Variants in NDC1 observed in about 807,000 individuals in gnomAD.
The protein encoded by NDC1 is nucleoporin NDC1.
In NDC1, 24 loss-of-function variants were observed where a neutral mutation model predicts 89.8. The observed-to-expected ratio is 0.27, with a 90% CI of 0.19 to 0.38. NDC1 has a LOEUF of 0.38. Among genes scored for constraint, NDC1 ranks in the 10% least tolerant of loss-of-function variants. The pLI, the probability that NDC1 is intolerant of heterozygous loss-of-function variation, is 1.00. For missense variants in NDC1, 728 were observed against 797.6 expected (o/e 0.91, Z 1.05); for synonymous variants, 296 against 284.8 (o/e 1.04, Z -0.39).
chr1:53,794,676 C>A (rs1206734305), intron 13 of NDC1, among the ~76,000 whole-genome samples: 3 of 152,066 alleles, frequency 2.0e-5, no homozygotes, highest in African/African-American at 7.2e-5. Context: ...TTGAGATCAG[C>A]CTGGGCAACA....
intron 6 of NDC1, among the ~76,000 whole-genome samples, chr1:53,813,197 T>C (rs1293137912): frequency 2.0e-5 from 3 of 152,046 alleles, no homozygotes; most frequent in African/African-American, 4.8e-5. Flanking sequence ...CAAAAATACA[T>C]GTTGAAAAGC....
At chr1:53,830,949 T>C (rs889837755) in intron 3 of NDC1, among the ~76,000 whole-genome samples, 1 of 149,508 alleles carries the variant, frequency 6.7e-6, no homozygotes, top group Non-Finnish European at 1.5e-5. Flanking sequence ...AGGCCAAGCA[T>C]GGTGGCTCAT....
intron 5 of NDC1, among the ~76,000 whole-genome samples, chr1:53,820,611 T>C (rs147634463): frequency 1.0e-3 from 158 of 151,526 alleles, no homozygotes; most frequent in African/African-American, 3.7e-3. Context: ...TCCTTCTCAG[T>C]CTCTGCCCCT....
At chr1:53,775,578 A>C (rs1647156184) in intron 16 of NDC1, among the ~76,000 whole-genome samples, 2 of 152,116 alleles carry the variant, frequency 1.3e-5, no homozygotes, top group Admixed American at 6.5e-5. Context: ...TTTCATTCTT[A>C]GGTTTATAAA....
chr1:53,773,584 T>A (rs556842575), intron 16 of NDC1, among the ~76,000 whole-genome samples: 1 of 152,260 alleles, frequency 6.6e-6, no homozygotes, highest in South Asian at 2.1e-4. Flanking sequence ...GAGCACCAAT[T>A]CTAAGTGCAT....
chr1:53,810,435 A>G (rs1648265363), intron 6 of NDC1, among the ~76,000 whole-genome samples: 2 of 152,206 alleles, frequency 1.3e-5, no homozygotes, highest in Non-Finnish European at 2.9e-5. Context: ...AAAAAAAAAA[A>G]AAATCAAAGT....
In NDC1 at chr1:53,807,581, A is replaced by G. The variant is rs114909716; in HGVS notation, c.891+75T>C. 2,213 of 1,289,544 alleles carry G rather than the reference A, an allele frequency of 1.7e-3. 29 individuals carry two copies. The African/African-American group carries it at 0.031, about 18-fold the overall frequency. The allele number at this position is 1,289,544 out of a possible 1,614,324, so 79.9% of individuals were successfully genotyped here. A position where few individuals can be genotyped will look rare whatever the true frequency, so the allele number is the denominator to read the frequency against. On this transcript the variant is annotated intron_variant, in intron 8 of 17. Transcript: ENST00000371429. ...GGAAATGGTTTTGCGTGTGCTGATC[A>G]GTGTGCTCTGCTAAAAATCAACTGT...
rs373637747 is a variant in NDC1 at position 53,793,334 on chromosome 1, T to C, written c.1585-55A>G. The stretch of plus-strand genomic sequence containing the variant: ...ATTTACCTTTTAAATTCTATTCAAA[T>C]ATAACACATTTCCTAGTTCTTCCAG... On this transcript the variant is annotated intron_variant, in intron 13 of 17. Coordinates refer to ENST00000371429, the MANE Select transcript of NDC1 (RefSeq NM_018087.5). The C allele has an allele frequency of 9.6e-6, 13 of 1,350,836 alleles. No individual in the cohort carries two copies. In the African/African-American group the frequency reaches 1.4e-4, roughly 15 times the overall value. The allele number at this position is 1,350,836 out of a possible 1,614,324, so 83.7% of individuals were successfully genotyped here. A position where few individuals can be genotyped will look rare whatever the true frequency, so the allele number is the denominator to read the frequency against.
chr1:53,832,080 T>C (rs1649085582), intron 3 of NDC1, among the ~76,000 whole-genome samples: 1 of 152,180 alleles, frequency 6.6e-6, no homozygotes, highest in African/African-American at 2.4e-5. Flanking sequence ...CATTTTTAAG[T>C]ACACAGTTCT....
chr1:53,818,310 G>A (rs969271905), intron 6 of NDC1, among the ~76,000 whole-genome samples: 2 of 151,870 alleles, frequency 1.3e-5, no homozygotes, highest in African/African-American at 2.4e-5. Flanking sequence ...GGTGGTGCAC[G>A]CCTGGTAGTG....
intron 16 of NDC1, among the ~76,000 whole-genome samples, 172 bp from the exon 17 acceptor site, chr1:53,772,661 A>AATAACATAACATAAC (rs369123839): frequency 0.018 from 2,483 of 137,818 alleles, 45 homozygotes; most frequent in African/African-American, 0.031. Context: ...CCTGTCTCAA[A>AATAACATAACATAAC]ATAACATAAC....
chr1:53,789,787 G>GA (rs1466225926), intron 14 of NDC1, among the ~76,000 whole-genome samples: 2 of 139,682 alleles, frequency 1.4e-5, no homozygotes, highest in Non-Finnish European at 3.1e-5. Flanking sequence ...CAACAAGAGT[G>GA]AAACTCCATC....
At chr1:53,810,980 CCCT>C (rs1389046125) in intron 6 of NDC1, among the ~76,000 whole-genome samples, 13 of 152,186 alleles carry the variant, frequency 8.5e-5, no homozygotes, top group Non-Finnish European at 1.5e-5. Flanking sequence ...AAAAGGAAGA[CCCT>C]CCTCTTCTGA....
In NDC1 at chr1:53,789,165, G is replaced by GA; in HGVS notation, c.1666dup (p.Ser556PhefsTer25). 6.2e-7 allele frequency: 1 copy of GA among 1,610,252 alleles called. No individual in the cohort carries two copies. Among genetic ancestry groups the GA allele is most frequent in the Non-Finnish European group, 8.5e-7 (1 of 1,178,166 alleles). ...TGCCCAAATATGCATTTGGGCATCT[G>GA]AAAAAACAGCCTGAATGGAGGCCTC... On this transcript the variant is annotated frameshift_variant, in exon 15 of 18. Transcript: ENST00000371429. LOFTEE classifies it high-confidence loss of function.
chr1:53,771,631 T>G (rs1198864060), intron 17 of NDC1, among the ~76,000 whole-genome samples: 1 of 152,370 alleles, frequency 6.6e-6, no homozygotes, highest in East Asian at 1.9e-4. Context: ...TATTTAACTT[T>G]AATTTAAATT....
intron 6 of NDC1, among the ~76,000 whole-genome samples, chr1:53,817,825 T>A (rs1353763639): frequency 1.3e-5 from 2 of 152,184 alleles, no homozygotes; most frequent in Non-Finnish European, 2.9e-5. Flanking sequence ...GAAAAAGTTA[T>A]AATCTGAAAA....
At chr1:53,807,072 C>T (rs974480539) in intron 8 of NDC1, among the ~76,000 whole-genome samples, 1 of 151,716 alleles carries the variant, frequency 6.6e-6, no homozygotes, top group Non-Finnish European at 1.5e-5. Context: ...TGGTGAAACC[C>T]TGTCTCTACT....
At chr1:53,784,224 TACACACACACAC>T (rs66868896) in intron 16 of NDC1, among the ~76,000 whole-genome samples, 2 of 149,384 alleles carry the variant, frequency 1.3e-5, no homozygotes, top group African/African-American at 2.5e-5. Flanking sequence ...TTCTGTTATC[TACACACACACAC>T]ACACACACAC....
intron 10 of NDC1, among the ~76,000 whole-genome samples, chr1:53,802,593 CAT>C (rs1207482844): frequency 6.6e-6 from 1 of 152,160 alleles, no homozygotes; most frequent in Non-Finnish European, 1.5e-5. Context: ...GCGAGAGGAT[CAT>C]ATGAGCCCAG....
Sources: allele counts gnomAD v4.1 joint callset (sites outside exome capture counted in the v4.1 genomes callset), GRCh38; gene constraint gnomAD v4.1.1; transcripts MANE v1.5; gene names NCBI Gene and HGNC (gene_info 2026-07-23, HGNC 2026-07-21).